HBD: variants seen among roughly 807,000 people sequenced by gnomAD.
HBD encodes the protein delta globin.
In HBD, 11 loss-of-function variants were observed where a neutral mutation model predicts 9.2. That is an observed-to-expected ratio of 1.20 (90% CI 0.76 to 1.99). The LOEUF is 1.99. Ranked by LOEUF, HBD falls within the 30% of genes most tolerant of loss-of-function variation. The probability of loss-of-function intolerance (pLI) is 0.00; values close to 1 mark genes in which losing one functional copy is unlikely to be tolerated. For missense variants in HBD, 189 were observed against 174.3 expected (o/e 1.08, Z -0.47); for synonymous variants, 83 against 69.4 (o/e 1.20, Z -0.98).
At position 5,233,094 on chromosome 11, in the gene HBD, T is replaced by C. The variant is rs36023765; in HGVS notation, c.316-2A>G. The C allele has an allele frequency of 3.0e-5, 48 of 1,613,812 alleles. No homozygotes were observed. The highest frequency in any genetic ancestry group is 1.6e-4 in the Middle Eastern group (1 of 6,080). ...ACACACCAGCACATTGCCCAAGAGC[T>C]GCGGAGAAGAGGTAGGCAGATACAT... On this transcript the variant is annotated splice_acceptor_variant, in intron 2 of 2. Transcript: ENST00000650601. LOFTEE classifies it high-confidence loss of function.
chr11:5,234,412 C>A lies in HBD; in HGVS notation c.22G>T (p.Glu8Ter), dbSNP rs1847715204. 6.2e-7 allele frequency: 1 copy of A among 1,613,642 alleles called. No individual in the cohort carries two copies. The highest frequency in any genetic ancestry group is 8.5e-7 in the Non-Finnish European group (1 of 1,179,530). The change falls in exon 1 of 3, where the codon GAG (glutamate) becomes TAG (stop). Residue 8 changes from glutamate to a stop codon, truncating the protein, a stop_gained. Coordinates refer to ENST00000650601, the MANE Select transcript of HBD (RefSeq NM_000519.4). LOFTEE classifies it high-confidence loss of function. MVHLTPE[E>*]KTAVNALWGK... ...CACAGGGCATTGACAGCAGTCTTCT[C>A]CTCAGGAGTCAGATGCACCATGGTG...
In HBD at chr11:5,234,455, G is replaced by A. The variant is rs1319001808; in HGVS notation, c.-22C>T. The A allele has an allele frequency of 6.5e-7, 1 of 1,539,758 alleles. No homozygotes were observed. The highest frequency in any genetic ancestry group is 2.2e-5 in the East Asian group (1 of 44,506). The stretch of plus-strand genomic sequence containing the variant: ...CCATGGTGTCTGTTTGAGGTTGCTA[G>A]TGAACACTGTTATGTCAGAAGAAAG... On this transcript the variant is annotated 5_prime_UTR_variant, in exon 1 of 3. Transcript: ENST00000650601.
intron 2 of HBD, 26 bp from the exon 3 acceptor site, chr11:5,233,118 A>G (rs890094096): frequency 8.7e-6 from 14 of 1,613,232 alleles, no homozygotes; most frequent in Admixed American, 3.3e-5. Flanking sequence ...AGGCAGATAC[A>G]TGCATATGGT....
chr11:5,233,773 G>A (rs1847699736), intron 2 of HBD, among the ~76,000 whole-genome samples: 1 of 151,820 alleles, frequency 6.6e-6, no homozygotes, highest in South Asian at 2.1e-4. Flanking sequence ...GAGGGGGTTG[G>A]GAGAGAAAGA....
rs771732360 is a variant in HBD at position 5,232,931 on chromosome 11, C to A, written c.*33G>T. 9 of 1,613,746 alleles carry A rather than the reference C, an allele frequency of 5.6e-6. No homozygotes were observed. Among genetic ancestry groups the A allele is most frequent in the Non-Finnish European group, 7.6e-6 (9 of 1,179,800 alleles). ...AAAATAGAATCTAGGGAAATAGGGT[C>A]TTCTTATGGTTATCAGGAAACAGTC... is the stretch of plus-strand genomic sequence containing the variant. On this transcript the variant is annotated 3_prime_UTR_variant, in exon 3 of 3. Transcript: ENST00000650601.
At chr11:5,233,866 T>G in intron 2 of HBD, 125 bp downstream of exon 2, 1 of 761,776 alleles carries the variant, frequency 1.3e-6, no homozygotes, top group Non-Finnish European at 2.2e-6. Context: ...AACAAAATTT[T>G]AGAAGCATTA....
chr11:5,233,704 TA>T (rs780696330), intron 2 of HBD, among the ~76,000 whole-genome samples: 2 of 152,116 alleles, frequency 1.3e-5, no homozygotes, highest in Non-Finnish European at 2.9e-5. Flanking sequence ...AGTGCAGAAT[TA>T]GCAGGTGAGA....
Position 5,233,110 on chromosome 11 carries a change from G to A in HBD, c.316-18C>T. 6.2e-7 allele frequency: 1 copy of A among 1,613,634 alleles called. No homozygotes were observed. On this transcript the variant is annotated intron_variant, in intron 2 of 2. Transcript: ENST00000650601. Reference sequence around the variant, plus strand: ...CCCAAGAGCTGCGGAGAAGAGGTAGGCAGATACATGCATATGGTTAACAGA... The same window carrying A: ...CCCAAGAGCTGCGGAGAAGAGGTAGACAGATACATGCATATGGTTAACAGA...
chr11:5,233,477 C>T (rs564110573), intron 2 of HBD, among the ~76,000 whole-genome samples: 1 of 152,180 alleles, frequency 6.6e-6, no homozygotes, highest in Non-Finnish European at 1.5e-5. Flanking sequence ...GGGCTGTCTC[C>T]TAGCAACGAC....
Position 5,232,862 on chromosome 11 carries a change from C to T in HBD, c.*102G>A, listed in dbSNP as rs80018520. 950 of 1,613,100 alleles carry T rather than the reference C, an allele frequency of 5.9e-4. 5 individuals carry two copies. In the African/African-American group the frequency reaches 0.012, roughly 20 times the overall value. On this transcript the variant is annotated 3_prime_UTR_variant, in exon 3 of 3. Coordinates refer to ENST00000650601, the MANE Select transcript of HBD (RefSeq NM_000519.4). ...GTTGAGCTGAACATTCTTTATTAGGCAGAAGCCATACCCTTGAAGTAGGCA... is the reference window on the plus strand; with the variant it reads ...GTTGAGCTGAACATTCTTTATTAGGTAGAAGCCATACCCTTGAAGTAGGCA...
At position 5,234,104 on chromosome 11, in the gene HBD, C is replaced by T; in HGVS notation, c.202G>A (p.Val68Met). ...AGGCCATCACTAAAGGCACCTAGCA[C>T]CTTCTTGCCATGAGCCTTCACCTTA... is the stretch of plus-strand genomic sequence containing the variant. ...NPKVKAHGKK[V>M]LGAFSDGLAH... The change falls in exon 2 of 3, where the codon GTG becomes ATG. Residue 68 changes from valine (V) to methionine (M), a missense_variant. Physicochemically the swap from Val to Met is conservative, Grantham distance 21. Coordinates refer to ENST00000650601, the MANE Select transcript of HBD (RefSeq NM_000519.4). 1 of 1,614,070 alleles carries T rather than the reference C, an allele frequency of 6.2e-7. No individual in the cohort carries two copies.
Position 5,234,152 on chromosome 11 carries a change from G to A in HBD, c.154C>T (p.Pro52Ser), listed in dbSNP as rs1160528495. The A allele has an allele frequency of 1.9e-6, 3 of 1,614,072 alleles. No individual in the cohort carries two copies. Among genetic ancestry groups the A allele is most frequent in the African/African-American group, 2.7e-5 (2 of 75,006 alleles). The change falls in exon 2 of 3, where the codon CCT becomes TCT. Residue 52 changes from proline to serine, a missense_variant. Physicochemically the swap from Pro to Ser is moderately conservative, Grantham distance 74. Transcript: ENST00000650601. ...TTAGGGTTGCCCATAACAGCATCAG[G>A]AGAGGACAGATCCCCAAAGGACTCA... ...FFESFGDLSS[P>S]DAVMGNPKVK...
chr11:5,234,378 A>G lies in HBD; in HGVS notation c.56T>C (p.Val19Ala). Residue 19 changes from valine (V) to alanine (A), a missense_variant, in exon 1 of 3, where the codon GTG becomes GCG. Val to Ala is a moderately conservative substitution (Grantham distance 64, BLOSUM62 0). Transcript: ENST00000650601. ...CTCACCACCAACTGCATCCACGTTC[A>G]CTTTGCCCCACAGGGCATTGACAGC... ...KTAVNALWGK[V>A]NVDAVGGEAL... The G allele has an allele frequency of 6.2e-7, 1 of 1,614,052 alleles. No homozygotes were observed. Among genetic ancestry groups the G allele is most frequent in the Non-Finnish European group, 8.5e-7 (1 of 1,179,928 alleles).
Position 5,232,956 on chromosome 11 carries a change from C to G in HBD, c.*8G>C. The G allele has an allele frequency of 3.7e-6, 6 of 1,614,022 alleles. No homozygotes were observed. The highest frequency in any genetic ancestry group is 5.1e-6 in the Non-Finnish European group (6 of 1,179,946). On this transcript the variant is annotated 3_prime_UTR_variant, in exon 3 of 3. Transcript: ENST00000650601. ...CTTCTTATGGTTATCAGGAAACAGTCCAGGATCTCAATGGTACTTGTGAGC... is the reference window on the plus strand; with the variant it reads ...CTTCTTATGGTTATCAGGAAACAGTGCAGGATCTCAATGGTACTTGTGAGC...
chr11:5,233,140 T>C, intron 2 of HBD, 48 bp from the exon 3 acceptor site: 1 of 1,609,152 alleles, frequency 6.2e-7, no homozygotes, highest in Non-Finnish European at 8.5e-7. Context: ...AACAGAGAAA[T>C]AAAGACTGGC....
chr11:5,233,361 T>G (rs1847694995), intron 2 of HBD, among the ~76,000 whole-genome samples: 6 of 152,168 alleles, frequency 3.9e-5, no homozygotes, highest in Admixed American at 3.9e-4. Context: ...TATATACAAA[T>G]TAATTCCAAA....
Position 5,234,359 on chromosome 11 carries a change from A to G in HBD, c.75T>C (p.Gly25=). 1 of 1,613,880 alleles carries G rather than the reference A, an allele frequency of 6.2e-7. No homozygotes were observed. The highest frequency in any genetic ancestry group is 8.5e-7 in the Non-Finnish European group (1 of 1,179,836). ...LWGKVNVDAV[G]GEALGRLLVV... ...ATACCAACCTGCCCAGGGCCTCACC[A>G]CCAACTGCATCCACGTTCACTTTGC... Residue 25 remains glycine, a synonymous_variant, in exon 1 of 3, where the codon GGT becomes GGC. Coordinates refer to ENST00000650601, the MANE Select transcript of HBD (RefSeq NM_000519.4).
In HBD at chr11:5,233,045, C is replaced by G; in HGVS notation, c.363G>C (p.Lys121Asn). The G allele has an allele frequency of 6.2e-7, 1 of 1,614,030 alleles. No individual in the cohort carries two copies. Among genetic ancestry groups the G allele is most frequent in the Non-Finnish European group, 8.5e-7 (1 of 1,179,964 alleles). Residue 121 changes from lysine to asparagine, a missense_variant, in exon 3 of 3, where the codon AAG becomes AAC. Transcript: ENST00000650601. ...CAGCCTGCATTTGTGGGGTGAATTC[C>G]TTGCCAAAGTTGCGGGCCAGCACAC... is the stretch of plus-strand genomic sequence containing the variant. ...LVCVLARNFG[K>N]EFTPQMQAAY...
At position 5,233,976 on chromosome 11, in the gene HBD, A is replaced by G. The variant is rs1230253407; in HGVS notation, c.315+15T>C. 1.2e-6 allele frequency: 2 copies of G among 1,609,284 alleles called. No homozygotes were observed. The highest frequency in any genetic ancestry group is 2.2e-5 in the South Asian group (2 of 91,010). On this transcript the variant is annotated intron_variant, in intron 2 of 2. Coordinates refer to ENST00000650601, the MANE Select transcript of HBD (RefSeq NM_000519.4). ...GAAAGTAAAAAGAGAAAAGTGAAGC[A>G]TCTCCTGGACTCACCCTGAAGTTCT... is the stretch of plus-strand genomic sequence containing the variant.
Sources: allele counts gnomAD v4.1 joint callset (sites outside exome capture counted in the v4.1 genomes callset), GRCh38; gene constraint gnomAD v4.1.1; transcripts MANE v1.5; gene names NCBI Gene and HGNC (gene_info 2026-07-23, HGNC 2026-07-21).